B3GALNT2: variants seen among roughly 807,000 people sequenced by gnomAD.
B3GALNT2 encodes UDP-GalNAc:beta-1,3-N-acetylgalactosaminyltransferase 2.
In B3GALNT2, 53 loss-of-function variants were observed where a neutral mutation model predicts 61.1. The observed-to-expected ratio is 0.87, with a 90% CI of 0.70 to 1.09. B3GALNT2 has a LOEUF of 1.09. Among genes scored for constraint, B3GALNT2 ranks in the 50% least tolerant of loss-of-function variants. The pLI is 0.00. For synonymous variants in B3GALNT2, 223 were observed against 237.4 expected (o/e 0.94, Z 0.56); for missense variants, 544 against 623.0 (o/e 0.87, Z 1.35).
At chr1:235,473,959 T>C (rs1303354821) in intron 5 of B3GALNT2, among the ~76,000 whole-genome samples, 1 of 152,204 alleles carries the variant, frequency 6.6e-6, no homozygotes, top group African/African-American at 2.4e-5. Flanking sequence ...GACTAGGCTA[T>C]GATACAACAA....
intron 7 of B3GALNT2, among the ~76,000 whole-genome samples, chr1:235,459,200 TA>T (rs1400429536): frequency 6.7e-6 from 1 of 149,872 alleles, no homozygotes; most frequent in Non-Finnish European, 1.5e-5. Context: ...ATATAGCAGT[TA>T]AAAAAATTAC....
intron 2 of B3GALNT2, 120 bp from the exon 3 acceptor site, chr1:235,489,388 T>TA: frequency 6.9e-7 from 1 of 1,440,834 alleles, no homozygotes; most frequent in Non-Finnish European, 9.2e-7. Flanking sequence ...ATTAATTCTC[T>TA]ACCTTTATTC....
At chr1:235,443,185 CAT>C (rs1553340612), downstream of B3GALNT2, among the ~76,000 whole-genome samples, 1,258 of 139,826 alleles carry the variant, frequency 9.0e-3, 16 homozygotes, top group African/African-American at 0.03. Flanking sequence ...CACACACACA[CAT>C]ATATATATAC....
At chr1:235,441,938 C>G in the B3GALNT2 span, 2 of 1,483,818 alleles carry the variant, frequency 1.3e-6, no homozygotes, top group South Asian at 2.3e-5. Context: ...GGTGCTGAAA[C>G]AGTTAGTGTG....
At chr1:235,482,039 CATT>C (rs1684585818) in intron 4 of B3GALNT2, among the ~76,000 whole-genome samples, 1 of 152,162 alleles carries the variant, frequency 6.6e-6, no homozygotes, top group South Asian at 2.1e-4. Flanking sequence ...TAATAATCAA[CATT>C]AATAATACAA....
intron 7 of B3GALNT2, among the ~76,000 whole-genome samples, chr1:235,462,523 C>A (rs1240204522): frequency 2.6e-5 from 4 of 152,132 alleles, no homozygotes. Flanking sequence ...AGCAATGTTG[C>A]AGCACACAGA....
intron 5 of B3GALNT2, among the ~76,000 whole-genome samples, chr1:235,474,987 A>ATATTTTTTTTTTTT (rs1180244284): frequency 2.8e-5 from 1 of 35,574 alleles, no homozygotes; most frequent in Non-Finnish European, 4.9e-5. Context: ...ATATATATAT[A>ATATTTTTTTTTTTT]TTTTTTTTTT....
At chr1:235,457,127 T>C (rs201099089) in intron 8 of B3GALNT2, among the ~76,000 whole-genome samples, 2 of 151,592 alleles carry the variant, frequency 1.3e-5, no homozygotes, top group East Asian at 3.9e-4. Context: ...AATAAATAAA[T>C]AAATAAATAA....
intron 8 of B3GALNT2, among the ~76,000 whole-genome samples, chr1:235,456,789 C>G (rs1046646195): frequency 6.6e-6 from 1 of 152,152 alleles, no homozygotes; most frequent in African/African-American, 2.4e-5. Context: ...AAAGAGTATC[C>G]GGGGCTGACT....
intron 4 of B3GALNT2, among the ~76,000 whole-genome samples, chr1:235,481,119 G>T (rs1308027719): frequency 6.6e-6 from 1 of 151,956 alleles, no homozygotes; most frequent in African/African-American, 2.4e-5. Flanking sequence ...AATGGATTAT[G>T]TCTATTTCTT....
intron 6 of B3GALNT2, among the ~76,000 whole-genome samples, chr1:235,467,483 C>CT (rs373792377): frequency 8.3e-4 from 97 of 116,586 alleles, no homozygotes; most frequent in Middle Eastern, 9.0e-3. Flanking sequence ...TACTTATTTA[C>CT]TTTTTTTTTT....
chr1:235,494,535 C>T (rs1685222858), intron 2 of B3GALNT2, 146 bp downstream of exon 2: 4 of 789,344 alleles, frequency 5.1e-6, no homozygotes, highest in Admixed American at 4.9e-5. Context: ...TGGCTCACTG[C>T]AGCCTCAATT....
downstream of B3GALNT2, among the ~76,000 whole-genome samples, chr1:235,446,539 T>TA: frequency 6.6e-6 from 1 of 152,210 alleles, no homozygotes; most frequent in South Asian, 2.1e-4. Flanking sequence ...ACCTCTCAAA[T>TA]TTTTAACACT....
intron 11 of B3GALNT2, chr1:235,450,584 C>A: frequency 2.2e-6 from 1 of 459,092 alleles, no homozygotes; most frequent in South Asian, 2.8e-5. Context: ...AAGAGTTAGT[C>A]AACAAATGCC....
intron 8 of B3GALNT2, among the ~76,000 whole-genome samples, chr1:235,456,435 T>C (rs1683175417): frequency 6.6e-6 from 1 of 152,194 alleles, no homozygotes; most frequent in South Asian, 2.1e-4. Flanking sequence ...GGTCCAAGAA[T>C]GGTGAATTTA....
chr1:235,504,115 C>A, intron 1 of B3GALNT2, 26 bp downstream of exon 1: 8 of 1,212,528 alleles, frequency 6.6e-6, no homozygotes, highest in Non-Finnish European at 8.2e-6. Flanking sequence ...CGGCGGCCGC[C>A]AACCCGCCCG....
chr1:235,454,265 T>TC lies in B3GALNT2; in HGVS notation c.1201dup (p.Glu401GlyfsTer39). On this transcript the variant is annotated frameshift_variant, in exon 10 of 12. Transcript: ENST00000366600. LOFTEE classifies it high-confidence loss of function. The stretch of plus-strand genomic sequence containing the variant: ...GGCAGGGTAAGCGGGGCTCGGGTAC[T>TC]CCAACTCCTGCCACTTTCCGGTTCG... 6.2e-7 allele frequency: 1 copy of TC among 1,613,134 alleles called. No homozygotes were observed. The highest frequency in any genetic ancestry group is 8.5e-7 in the Non-Finnish European group (1 of 1,179,184).
At chr1:235,502,124 T>C (rs1042464685) in intron 1 of B3GALNT2, among the ~76,000 whole-genome samples, 1 of 152,226 alleles carries the variant, frequency 6.6e-6, no homozygotes, top group African/African-American at 2.4e-5. Flanking sequence ...GTGATTCTCC[T>C]GCCTCAGCCT....
At chr1:235,461,060 A>G (rs938021387) in intron 7 of B3GALNT2, among the ~76,000 whole-genome samples, 3 of 152,220 alleles carry the variant, frequency 2.0e-5, no homozygotes, top group African/African-American at 7.2e-5. Context: ...AAATGTCTCA[A>G]TCAAATTAAA....
Sources: allele counts gnomAD v4.1 joint callset (sites outside exome capture counted in the v4.1 genomes callset), GRCh38; gene constraint gnomAD v4.1.1; transcripts MANE v1.5; gene names NCBI Gene and HGNC (gene_info 2026-07-23, HGNC 2026-07-21).